The following SKA3 variants were observed in gnomAD, a reference collection of about 807,000 sequenced individuals.
SKA3 encodes spindle and kinetochore associated complex subunit 3.
Under a neutral mutation model 44.2 loss-of-function variants are expected in SKA3, and 39 were observed. That is an observed-to-expected ratio of 0.88 (90% confidence interval 0.68 to 1.15). SKA3 has a LOEUF of 1.15. SKA3 is among the 50% of genes most tolerant of loss of function. SKA3 has a pLI of 0.00. For missense variants in SKA3, 511 were observed against 485.8 expected, an observed-to-expected ratio of 1.05 and a Z score of -0.49; for synonymous variants, 192 against 172.0, an observed-to-expected ratio of 1.12 and a Z score of -0.91.
chr13:21,173,416 C>G (rs750706579), intron 1 of SKA3, among the ~76,000 whole-genome samples: 2 of 152,192 alleles, frequency 1.3e-5, no homozygotes, highest in African/African-American at 2.4e-5. Context: ...GCCACTACAT[C>G]TGGCTAGTTT....
rs199587213 is a variant in SKA3 at position 21,159,982 on chromosome 13, C to T, written c.835G>A (p.Glu279Lys). 71 of 1,599,718 alleles carry T rather than the reference C, an allele frequency of 4.4e-5. No homozygotes were observed. In the East Asian group the frequency reaches 1.4e-3, roughly 32 times the overall value. Residue 279 changes from glutamate to lysine, a missense_variant, in exon 6 of 9, where the codon GAA (glutamate) becomes AAA (lysine). By Grantham distance (56) the Glu-to-Lys change is moderately conservative. Transcript: ENST00000314759. ...IIQQLEKSDA[E>K]YTNSPLVPTF... ...GGTACCAAAGGAGAGTTGGTATATT[C>T]GGCATCTAAAAGACACATAAAATGG... is the stretch of plus-strand genomic sequence containing the variant.
At chr13:21,168,669 G>T (rs1163774612) in intron 3 of SKA3, among the ~76,000 whole-genome samples, 1 of 152,136 alleles carries the variant, frequency 6.6e-6, no homozygotes, top group Non-Finnish European at 1.5e-5. Context: ...TGGGACTACA[G>T]GTGTGCCACC....
At chr13:21,176,082 GTT>G (rs1193246357) in intron 1 of SKA3, among the ~76,000 whole-genome samples, 2 of 152,186 alleles carry the variant, frequency 1.3e-5, no homozygotes, top group Non-Finnish European at 2.9e-5. Flanking sequence ...TGCTGTCTCT[GTT>G]TATAACGTAA....
At chr13:21,169,191 G>A (rs550681660) in intron 3 of SKA3, among the ~76,000 whole-genome samples, 1 of 150,368 alleles carries the variant, frequency 6.7e-6, no homozygotes, top group Non-Finnish European at 1.5e-5. Flanking sequence ...CTGAGAAAAG[G>A]CTAATCACAA....
chr13:21,170,882 G>A (rs892612941), intron 3 of SKA3, among the ~76,000 whole-genome samples: 1 of 151,510 alleles, frequency 6.6e-6, no homozygotes, highest in Non-Finnish European at 1.5e-5. Flanking sequence ...ATTCCACGTG[G>A]GGGGTGGTGG....
At chr13:21,162,884 TA>T (rs1012495886) in intron 4 of SKA3, among the ~76,000 whole-genome samples, 2 of 150,674 alleles carry the variant, frequency 1.3e-5, no homozygotes, top group South Asian at 2.1e-4. Context: ...CTACAAAAAA[TA>T]AAAAAAAATA....
chr13:21,158,948 T>C (rs867729605), intron 6 of SKA3, among the ~76,000 whole-genome samples: 4 of 152,104 alleles, frequency 2.6e-5, no homozygotes, highest in Non-Finnish European at 4.4e-5. Context: ...AGTAGATGAA[T>C]TGTAAATGGC....
At position 21,153,757 on chromosome 13, in the gene SKA3, T is replaced by G. The variant is rs1869932143; in HGVS notation, c.*1393A>C. ...TTGGGAGAACTCCAGGATTTGGTCC[T>G]TGGTACACTTTGAATATATTCCCTC... On this transcript the variant is annotated 3_prime_UTR_variant, in exon 9 of 9. Transcript: ENST00000314759. 6.6e-6 allele frequency: 1 copy of G among 152,340 alleles called. No homozygotes were observed. The highest frequency in any genetic ancestry group is 1.5e-5 in the Non-Finnish European group (1 of 68,106). 9.4% of individuals were successfully genotyped at this position (152,340 alleles called of 1,614,324 possible).
chr13:21,158,245 C>A (rs143626100), intron 6 of SKA3, 120 bp from the exon 7 acceptor site: 112 of 566,802 alleles, frequency 2.0e-4, no homozygotes, highest in Admixed American at 1.3e-3. Context: ...GCCCCATCTT[C>A]TCTGACCAAG....
chr13:21,172,271 TTGTC>T, intron 3 of SKA3, 64 bp downstream of exon 3: 1 of 893,974 alleles, frequency 1.1e-6, no homozygotes, highest in South Asian at 2.5e-5. Context: ...AAGGCTACAG[TTGTC>T]TTAATCATGC....
chr13:21,176,282 T>A, intron 1 of SKA3, 93 bp downstream of exon 1: 8 of 992,394 alleles, frequency 8.1e-6, no homozygotes, highest in Non-Finnish European at 1.1e-5. Flanking sequence ...CGTCAGTGCC[T>A]GGCGGTTCCC....
intron 4 of SKA3, among the ~76,000 whole-genome samples, chr13:21,164,608 G>A (rs1011425885): frequency 6.6e-5 from 10 of 152,110 alleles, no homozygotes; most frequent in South Asian, 6.2e-4. Flanking sequence ...TTTATTAGTC[G>A]TATCTATTCC....
intron 3 of SKA3, among the ~76,000 whole-genome samples, chr13:21,171,221 G>A (rs1006531758): frequency 1.1e-4 from 17 of 152,224 alleles, no homozygotes; most frequent in African/African-American, 3.9e-4. Flanking sequence ...GTCTCACATG[G>A]ACTGTTTAAC....
chr13:21,160,047 G>A, intron 5 of SKA3, 60 bp from the exon 6 acceptor site: 1 of 1,087,348 alleles, frequency 9.2e-7, no homozygotes, highest in South Asian at 1.9e-5. Flanking sequence ...TAACTGGACA[G>A]GAAGAAAATC....
At chr13:21,158,849 TA>T (rs1870280062) in intron 6 of SKA3, among the ~76,000 whole-genome samples, 1 of 152,140 alleles carries the variant, frequency 6.6e-6, no homozygotes, top group South Asian at 2.1e-4. Context: ...GCCAATTGGG[TA>T]AGTCGCTTCA....
intron 1 of SKA3, among the ~76,000 whole-genome samples, chr13:21,175,332 CA>C (rs1219088495): frequency 1.3e-5 from 2 of 150,618 alleles, no homozygotes; most frequent in Non-Finnish European, 2.9e-5. Flanking sequence ...GGCTGGAGTG[CA>C]GTGGCGGATC....
intron 7 of SKA3, among the ~76,000 whole-genome samples, chr13:21,157,139 A>G (rs886126713): frequency 6.6e-6 from 1 of 152,178 alleles, no homozygotes; most frequent in Non-Finnish European, 1.5e-5. Context: ...CCTATTAAGG[A>G]GGGGGACTGT....
Position 21,161,882 on chromosome 13 carries a change from T to C in SKA3, c.744-7A>G, listed in dbSNP as rs760112450. On this transcript the variant is annotated splice_region_variant and splice_polypyrimidine_tract_variant and intron_variant, in intron 4 of 8. Transcript: ENST00000314759. ...TGTATCTATGGCCTCCTCACTGGTG[T>C]GATTCATAGGGAAATTACAAGGTTA... is the stretch of plus-strand genomic sequence containing the variant. The C allele has an allele frequency of 6.3e-7, 1 of 1,592,632 alleles. No individual in the cohort carries two copies. The highest frequency in any genetic ancestry group is 1.1e-5 in the South Asian group (1 of 87,458).
At chr13:21,164,225 T>C (rs895813055) in intron 4 of SKA3, among the ~76,000 whole-genome samples, 2 of 152,252 alleles carry the variant, frequency 1.3e-5, no homozygotes, top group Admixed American at 1.3e-4. Context: ...TCGTCATTGG[T>C]CAAATATTTT....
Sources: gnomAD v4.1 joint callset for allele counts (sites outside exome capture counted in the v4.1 genomes callset) on GRCh38, gnomAD v4.1.1 for gene constraint, MANE v1.5 for transcripts, NCBI Gene and HGNC (gene_info 2026-07-23, HGNC 2026-07-21) for gene names.